The following SPECC1 variants were observed in gnomAD, a reference collection of about 807,000 sequenced individuals.
SPECC1 encodes sperm antigen with calponin homology and coiled-coil domains 1.
Under a neutral mutation model 104.1 loss-of-function variants are expected in SPECC1, and 62 were observed. The observed-to-expected ratio is 0.60, with a 90% CI of 0.49 to 0.74. The LOEUF (loss-of-function observed/expected upper bound fraction) is 0.74, where lower values mean the gene tolerates loss of function less well. SPECC1 is among the 30% of genes least tolerant of loss of function. The pLI is 0.00. For synonymous variants in SPECC1, 513 were observed against 501.6 expected (o/e 1.02, Z -0.30); for missense variants, 1,306 against 1,310.5 (o/e 1.00, Z 0.05).
chr17:20,039,442 T>C (rs1015278583), intron 1 of SPECC1, among the ~76,000 whole-genome samples: 1 of 152,192 alleles, frequency 6.6e-6, no homozygotes, highest in Non-Finnish European at 1.5e-5. Context: ...TTTTCTTTTC[T>C]CTGAAGTCTA....
intron 3 of SPECC1, chr17:20,156,180 G>A (rs937078304): frequency 1.2e-5 from 17 of 1,443,726 alleles, no homozygotes; most frequent in Non-Finnish European, 1.5e-5. Context: ...GCCGGCTGGT[G>A]CCCGAGTCGG....
intron 3 of SPECC1, among the ~76,000 whole-genome samples, chr17:20,115,470 CAAAT>C (rs535781420): frequency 2.8e-4 from 42 of 151,268 alleles, no homozygotes; most frequent in Middle Eastern, 3.4e-3. Flanking sequence ...AAGACTGTCT[CAAAT>C]AAATAAATAA....
At chr17:20,265,040 T>A (rs1053432334) in intron 12 of SPECC1, among the ~76,000 whole-genome samples, 4 of 152,214 alleles carry the variant, frequency 2.6e-5, no homozygotes, top group Admixed American at 2.6e-4. Context: ...TGGTGGGTAC[T>A]TAGGTTGATT....
Position 20,315,454 on chromosome 17 carries a change from A to G in SPECC1, c.*1389A>G, listed in dbSNP as rs1420895333. On this transcript the variant is annotated 3_prime_UTR_variant, in exon 15 of 15. Transcript: ENST00000395527. ...CTGGGCGGATCTGTGTGCACTACAC[A>G]GCGAGTGAGGGCGTGGCTCACACAG... 1 of 232,664 alleles carries G rather than the reference A, an allele frequency of 4.3e-6. No homozygotes were observed. Among genetic ancestry groups the G allele is most frequent in the Non-Finnish European group, 8.5e-6 (1 of 117,782 alleles). 14.4% of individuals were successfully genotyped at this position (232,664 alleles called of 1,614,324 possible).
chr17:20,286,316 C>G (rs768586063), intron 12 of SPECC1, among the ~76,000 whole-genome samples: 7 of 152,154 alleles, frequency 4.6e-5, no homozygotes, highest in Non-Finnish European at 1.0e-4. Flanking sequence ...CTACAGAATG[C>G]CTGCTGGGCT....
In SPECC1 at chr17:20,236,432, G is replaced by C. The variant is rs1029611533; in HGVS notation, c.2351+4027G>C. On this transcript the variant is annotated intron_variant, in intron 7 of 14. Transcript: ENST00000395527. ...CTGTTCTCTGACCCCTGATTTTACA[G>C]ATTTCAACAATGTGGACATAAGCTT... 8.5e-5 allele frequency among the ~76,000 whole-genome samples: 13 copies of C among 152,232 alleles called. No homozygotes were observed. In the East Asian group the frequency reaches 2.5e-3, roughly 29 times the overall value.
intron 1 of SPECC1, among the ~76,000 whole-genome samples, chr17:20,023,146 G>A (rs939277909): frequency 1.3e-5 from 2 of 152,170 alleles, no homozygotes; most frequent in African/African-American, 4.8e-5. Context: ...TTGCAGGGCC[G>A]TGTGTTCCCT....
chr17:20,285,577 T>G (rs1398622648), intron 12 of SPECC1, among the ~76,000 whole-genome samples: 1 of 152,176 alleles, frequency 6.6e-6, no homozygotes, highest in Non-Finnish European at 1.5e-5. Flanking sequence ...AATTTGTAAT[T>G]AGTAACTAGC....
intron 1 of SPECC1, among the ~76,000 whole-genome samples, chr17:20,063,385 T>C (rs1458627809): frequency 1.3e-5 from 2 of 152,358 alleles, no homozygotes; most frequent in East Asian, 3.9e-4. Context: ...TTACGTTCTC[T>C]TTCTTGTTCC....
intron 7 of SPECC1, chr17:20,237,230 A>G: frequency 1.6e-6 from 2 of 1,240,936 alleles, no homozygotes; most frequent in Non-Finnish European, 2.0e-6. Context: ...AAAAGGGCAC[A>G]GTGGCAGAGC....
At chr17:20,137,869 G>A (rs1164979880) in intron 3 of SPECC1, among the ~76,000 whole-genome samples, 1 of 152,050 alleles carries the variant, frequency 6.6e-6, no homozygotes, top group Non-Finnish European at 1.5e-5. Context: ...TTTTCGGCAT[G>A]TTGACCAGGC....
Position 20,316,007 on chromosome 17 carries a change from C to T in SPECC1, c.*1942C>T, listed in dbSNP as rs2042036134. 1 of 232,760 alleles carries T rather than the reference C, an allele frequency of 4.3e-6. No individual in the cohort carries two copies. The highest frequency in any genetic ancestry group is 8.5e-6 in the Non-Finnish European group (1 of 117,696). The allele number at this position is 232,760 out of a possible 1,614,324, so 14.4% of individuals were successfully genotyped here. ...ACCACTGAGGGGTGGACACCTTCCC[C>T]TGGCAGCCACAAGGCAGGCAGCCTG... On this transcript the variant is annotated 3_prime_UTR_variant, in exon 15 of 15. Coordinates refer to ENST00000395527, the MANE Select transcript of SPECC1 (RefSeq NM_001243439.2).
chr17:20,316,470 G>A lies in SPECC1; in HGVS notation c.*2405G>A, dbSNP rs1180476469. The A allele has an allele frequency of 1.0e-5, 2 of 191,520 alleles. No homozygotes were observed. Among genetic ancestry groups the A allele is most frequent in the South Asian group, 1.9e-4 (1 of 5,142 alleles). The allele number at this position is 191,520 out of a possible 1,614,324, so 11.9% of individuals were successfully genotyped here. ...CAACCTCCGCCGCCCGTGTTTAAGC[G>A]ATTCTCCTGCCTCAGCCTCCCATGT... On this transcript the variant is annotated 3_prime_UTR_variant, in exon 15 of 15. Transcript: ENST00000395527.
At chr17:20,210,305 C>T (rs1427459961) in intron 4 of SPECC1, among the ~76,000 whole-genome samples, 1 of 152,168 alleles carries the variant, frequency 6.6e-6, no homozygotes, top group Non-Finnish European at 1.5e-5. Context: ...AGCCAGGGGA[C>T]ACTCCCTCCA....
rs1172075682 is a variant in SPECC1 at position 20,009,977 on chromosome 17, G to T, written c.-22+553G>T. 1 of 152,252 alleles carries T rather than the reference G, an allele frequency of 6.6e-6. No homozygotes were observed. The highest frequency in any genetic ancestry group is 2.4e-5 in the African/African-American group (1 of 41,454). 9.4% of individuals were successfully genotyped at this position (152,252 alleles called of 1,614,324 possible). ...GCCGGGGTGACAGGGGAAGGGCTAG[G>T]GCTGCGCATCCCGGGTCAGCTGGGG... On this transcript the variant is annotated intron_variant, in intron 1 of 14. Coordinates refer to ENST00000395527, the MANE Select transcript of SPECC1 (RefSeq NM_001243439.2). The surrounding 1 kb of genome is among the most constrained non-coding windows in gnomAD (Gnocchi z 5.2).
At chr17:20,187,748 T>C (rs2035376432) in intron 3 of SPECC1, among the ~76,000 whole-genome samples, 1 of 152,206 alleles carries the variant, frequency 6.6e-6, no homozygotes, top group African/African-American at 2.4e-5. Flanking sequence ...GTTTCTGAGA[T>C]TCTGGGTAAT....
At chr17:20,142,427 T>C (rs2030927638) in intron 3 of SPECC1, among the ~76,000 whole-genome samples, 1 of 152,172 alleles carries the variant, frequency 6.6e-6, no homozygotes, top group African/African-American at 2.4e-5. Context: ...CAAGTGTCCA[T>C]CAACAGATGC....
At chr17:20,167,814 A>G (rs1026127031) in intron 3 of SPECC1, among the ~76,000 whole-genome samples, 5 of 152,248 alleles carry the variant, frequency 3.3e-5, no homozygotes, top group African/African-American at 9.6e-5. Flanking sequence ...GATATTGGAT[A>G]TTACATATTA....
intron 3 of SPECC1, among the ~76,000 whole-genome samples, chr17:20,125,748 A>G (rs549582537): frequency 3.9e-4 from 60 of 152,220 alleles, no homozygotes; most frequent in Non-Finnish European, 6.8e-4. Context: ...CTGGATAGCC[A>G]CACTTTGTTT....
Sources: allele counts gnomAD v4.1 joint callset (sites outside exome capture counted in the v4.1 genomes callset), GRCh38; gene constraint gnomAD v4.1.1; non-coding constraint Gnocchi (gnomAD v3.1); transcripts MANE v1.5; gene names NCBI Gene and HGNC (gene_info 2026-07-23, HGNC 2026-07-21).